The following LIMCH1 variants were observed in gnomAD, a reference collection of about 807,000 sequenced individuals.
LIMCH1 encodes LIM and calponin homology domains-containing protein 1.
Under a neutral mutation model 176.5 loss-of-function variants are expected in LIMCH1, and 113 were observed. The ratio of observed to expected loss-of-function variants is 0.64; its 90% CI spans 0.55 to 0.75. The LOEUF (loss-of-function observed/expected upper bound fraction) is 0.75, where lower values mean the gene tolerates loss of function less well. LIMCH1 is among the 30% of genes least tolerant of loss of function. The probability of loss-of-function intolerance (pLI) is 0.00; values close to 1 mark genes in which losing one functional copy is unlikely to be tolerated. For synonymous variants in LIMCH1, 619 were observed against 645.9 expected (o/e 0.96, Z 0.63); for missense variants, 1,674 against 1,814.9 (o/e 0.92, Z 1.41).
In LIMCH1 at chr4:41,493,497, A is replaced by AGTGTATAT. The variant is rs547531585; in HGVS notation, c.97-1039_97-1038insGTGTATAT. On this transcript the variant is annotated intron_variant, in intron 1 of 26. Coordinates refer to the LIMCH1 transcript ENST00000313860. ...TTTTTGTTGTCATTATTTCCTAAAC[A>AGTGTATAT]ATACAGTGTAACAACTGTTTATATA... Among the ~76,000 whole-genome samples, 654 of 152,288 alleles carry AGTGTATAT rather than the reference A, an allele frequency of 4.3e-3. 1 individual carries two copies. The highest frequency in any genetic ancestry group is 9.1e-3 in the African/African-American group (379 of 41,554).
intron 1 of LIMCH1, among the ~76,000 whole-genome samples, chr4:41,568,017 G>A (rs1444555554): frequency 1.3e-5 from 2 of 152,140 alleles, no homozygotes; most frequent in East Asian, 3.9e-4. Flanking sequence ...GCCAGGCATG[G>A]TGAAACCCAC....
At chr4:41,503,118 G>T (rs145464827) in intron 2 of LIMCH1, among the ~76,000 whole-genome samples, 1 of 151,964 alleles carries the variant, frequency 6.6e-6, no homozygotes, top group Non-Finnish European at 1.5e-5. Flanking sequence ...GACAAAGTTG[G>T]CTACTATTAG....
At chr4:41,582,945 G>A (rs1033625801) in intron 1 of LIMCH1, among the ~76,000 whole-genome samples, 1 of 152,112 alleles carries the variant, frequency 6.6e-6, no homozygotes, top group African/African-American at 2.4e-5. Context: ...TTTTATTGTG[G>A]TAAAATATAC....
chr4:41,551,211 G>C lies in LIMCH1; in HGVS notation c.-241+12861G>C, dbSNP rs182951150. ...AATTAGGTAAGAATACAGATGGACTGTGAGGGGAAATATGTCTTTGATCCT... is the reference window on the plus strand; with the variant it reads ...AATTAGGTAAGAATACAGATGGACTCTGAGGGGAAATATGTCTTTGATCCT... On this transcript the variant is annotated intron_variant, in intron 1 of 31. Coordinates refer to ENST00000503057, the MANE Select transcript of LIMCH1 (RefSeq NM_001330672.2). The C allele has an allele frequency of 1.2e-3, 185 of 152,306 alleles. 1 individual carries two copies. The highest frequency in any genetic ancestry group is 4.2e-3 in the African/African-American group (174 of 41,572). The allele number at this position is 152,306 out of a possible 1,614,324, so 9.4% of individuals were successfully genotyped here.
chr4:41,479,392 C>T (rs2068221070), intron 1 of LIMCH1, among the ~76,000 whole-genome samples: 1 of 152,168 alleles, frequency 6.6e-6, no homozygotes, highest in Non-Finnish European at 1.5e-5. Flanking sequence ...GCTGGGTCTA[C>T]ATGCATGTAC....
intron 30 of LIMCH1, 100 bp from the exon 31 acceptor site, chr4:41,692,182 G>A (rs984352743): frequency 1.3e-6 from 1 of 744,496 alleles, no homozygotes; most frequent in African/African-American, 1.7e-5. Context: ...TGTGGTGATT[G>A]TAGAAGGGAT....
intron 2 of LIMCH1, among the ~76,000 whole-genome samples, chr4:41,503,038 C>CATCCATCT (rs1182215298): frequency 3.1e-4 from 47 of 152,104 alleles, no homozygotes; most frequent in Admixed American, 2.9e-3. Context: ...TCCATCCATC[C>CATCCATCT]ATCCATCCAT....
intron 18 of LIMCH1, among the ~76,000 whole-genome samples, chr4:41,656,825 G>T (rs1360211873): frequency 6.6e-6 from 1 of 152,168 alleles, no homozygotes; most frequent in East Asian, 1.9e-4. Flanking sequence ...CCAACCCATA[G>T]AGGTTAAATG....
intron 9 of LIMCH1, 52 bp from the exon 10 acceptor site, chr4:41,631,096 C>G: frequency 6.3e-6 from 8 of 1,276,024 alleles, no homozygotes; most frequent in Non-Finnish European, 8.3e-6. Context: ...TTAAAAACCT[C>G]TTATTGATTT....
At chr4:41,399,671 A>C (rs1469191704) in intron 1 of LIMCH1, among the ~76,000 whole-genome samples, 1 of 139,246 alleles carries the variant, frequency 7.2e-6, no homozygotes, top group Non-Finnish European at 1.5e-5. Flanking sequence ...TAACAATCCT[A>C]TGAGGTGGAT....
Position 41,699,529 on chromosome 4 carries a change from G to A in LIMCH1, c.*2344G>A, listed in dbSNP as rs1477774965. ...TGTTTTTTCCAATGCAGCATAATGA[G>A]TATGATCTATTTCTTTTCAAATAAT... On this transcript the variant is annotated 3_prime_UTR_variant, in exon 32 of 32. Coordinates refer to ENST00000503057, the MANE Select transcript of LIMCH1 (RefSeq NM_001330672.2). 1 of 151,776 alleles carries A rather than the reference G, an allele frequency of 6.6e-6. No individual in the cohort carries two copies. Among genetic ancestry groups the A allele is most frequent in the Non-Finnish European group, 1.5e-5 (1 of 67,972 alleles). The allele number at this position is 151,776 out of a possible 1,614,324, so 9.4% of individuals were successfully genotyped here. A position where few individuals can be genotyped will look rare whatever the true frequency, so the allele number is the denominator to read the frequency against.
At chr4:41,471,963 CT>C (rs1351498009) in intron 1 of LIMCH1, among the ~76,000 whole-genome samples, 1 of 152,172 alleles carries the variant, frequency 6.6e-6, no homozygotes, top group Admixed American at 6.5e-5. Context: ...CACAAGTGCA[CT>C]TGTTACTTTT....
intron 1 of LIMCH1, among the ~76,000 whole-genome samples, chr4:41,442,889 G>T (rs1423009825): frequency 6.6e-6 from 1 of 152,134 alleles, no homozygotes; most frequent in African/African-American, 2.4e-5. Context: ...TTAATATGAA[G>T]AAAGGAATTG....
At position 41,687,840 on chromosome 4, in the gene LIMCH1, G is replaced by A. The variant is rs772733930; in HGVS notation, c.4089G>A (p.Lys1363=). Residue 1363 remains lysine, a splice_region_variant and synonymous_variant, in exon 29 of 32, where the codon AAG becomes AAA. Coordinates refer to ENST00000503057, the MANE Select transcript of LIMCH1 (RefSeq NM_001330672.2). ...TTTTGACTCCTTTACCACATTACAG[G>A]AAAAGTCCCCGAGAGCACTTCCAGG... The part of the protein sequence containing the change: ...HQIESPSERR[K]KSPREHFQAG... 1 of 1,611,344 alleles carries A rather than the reference G, an allele frequency of 6.2e-7. No individual in the cohort carries two copies. Among genetic ancestry groups the A allele is most frequent in the East Asian group, 2.2e-5 (1 of 44,822 alleles).
upstream of LIMCH1, among the ~76,000 whole-genome samples, chr4:41,537,941 G>A (rs1206114728): frequency 2.6e-5 from 4 of 152,120 alleles, no homozygotes; most frequent in Admixed American, 1.3e-4. Flanking sequence ...TGTTCCTCGG[G>A]TCCCACTTGG....
chr4:41,454,174 A>G (rs1023531429), intron 1 of LIMCH1, among the ~76,000 whole-genome samples: 3 of 152,070 alleles, frequency 2.0e-5, no homozygotes, highest in Non-Finnish European at 4.4e-5. Context: ...CCTCACCATC[A>G]TTAGCAGTTA....
intron 3 of LIMCH1, among the ~76,000 whole-genome samples, chr4:41,531,053 G>A (rs1430665146): frequency 6.6e-6 from 1 of 151,946 alleles, no homozygotes; most frequent in African/African-American, 2.4e-5. Flanking sequence ...AAGAGGCAGA[G>A]TTGGTACTTG....
At chr4:41,520,069 A>AT (rs1315832874) in intron 2 of LIMCH1, among the ~76,000 whole-genome samples, 1 of 152,154 alleles carries the variant, frequency 6.6e-6, no homozygotes, top group Non-Finnish European at 1.5e-5. Flanking sequence ...TTGTAACTTT[A>AT]TTTTTTACCG....
Position 41,488,834 on chromosome 4 carries a change from C to A in LIMCH1, c.97-5702C>A, listed in dbSNP as rs141143495. Among the ~76,000 whole-genome samples the A allele has an allele frequency of 8.2e-3, 1,246 of 152,198 alleles. 15 individuals carry two copies. The highest frequency in any genetic ancestry group is 0.028 in the African/African-American group (1,181 of 41,526). ...GGTTTCGATATCAGGGTAATACTAA[C>A]CTATTAAAATGAATTGGGAACTATT... On this transcript the variant is annotated intron_variant, in intron 1 of 26. Transcript: ENST00000313860.
Sources: allele counts gnomAD v4.1 joint callset (sites outside exome capture counted in the v4.1 genomes callset), GRCh38; gene constraint gnomAD v4.1.1; transcripts MANE v1.5; gene names NCBI Gene and HGNC (gene_info 2026-07-23, HGNC 2026-07-21).